The following CWF19L2 variants were observed in gnomAD, a reference collection of about 807,000 sequenced individuals.
The protein encoded by CWF19L2 is CWF19 like cell cycle control factor 2, also known as CWF19-like protein 2.
In CWF19L2, 98 loss-of-function variants were observed where a neutral mutation model predicts 111.7. The observed-to-expected ratio is 0.88, with a 90% CI of 0.75 to 1.04. The LOEUF is 1.04. Among genes scored for constraint, CWF19L2 ranks in the 50% least tolerant of loss-of-function variants. CWF19L2 has a pLI of 0.00. For missense variants in CWF19L2, 1,101 were observed against 1,051.4 expected (o/e 1.05, Z -0.65); for synonymous variants, 351 against 342.9 (o/e 1.02, Z -0.26).
At chr11:107,418,050 G>A in intron 9 of CWF19L2, 144 bp downstream of exon 9, 1 of 633,350 alleles carries the variant, frequency 1.6e-6, no homozygotes, top group Non-Finnish European at 2.9e-6. Context: ...ATGGTGCCAG[G>A]CCTGAGAATT....
chr11:107,450,405 T>C (rs986459937), intron 3 of CWF19L2, among the ~76,000 whole-genome samples: 1 of 151,972 alleles, frequency 6.6e-6, no homozygotes, highest in Non-Finnish European at 1.5e-5. Flanking sequence ...CATATATATA[T>C]ATCCTGGACG....
At chr11:107,333,088 T>TAAAA (rs11212169) in intron 16 of CWF19L2, among the ~76,000 whole-genome samples, 1 of 146,374 alleles carries the variant, frequency 6.8e-6, no homozygotes. Flanking sequence ...AGACTCTGTC[T>TAAAA]AAAAAAAAAA....
At chr11:107,434,498 C>T (rs2135414639) in intron 6 of CWF19L2, among the ~76,000 whole-genome samples, 1 of 152,080 alleles carries the variant, frequency 6.6e-6, no homozygotes, top group East Asian at 1.9e-4. Flanking sequence ...ATCGCCCCAG[C>T]TCCATAACCA....
chr11:107,430,840 A>C (rs1861456067), intron 7 of CWF19L2, among the ~76,000 whole-genome samples: 1 of 151,996 alleles, frequency 6.6e-6, no homozygotes, highest in Non-Finnish European at 1.5e-5. Context: ...ATATACTGAA[A>C]ATTTGCTAAG....
intron 12 of CWF19L2, among the ~76,000 whole-genome samples, chr11:107,385,918 G>C (rs1860758669): frequency 6.6e-6 from 1 of 152,126 alleles, no homozygotes. Flanking sequence ...CTTAATAATA[G>C]CCTGAAACTG....
intron 12 of CWF19L2, among the ~76,000 whole-genome samples, chr11:107,383,832 G>A (rs1270788180): frequency 6.6e-6 from 1 of 152,168 alleles, no homozygotes; most frequent in Non-Finnish European, 1.5e-5. Flanking sequence ...CTGAGCCCAG[G>A]TAGTATCAGA....
At chr11:107,388,139 A>G (rs520203) in intron 12 of CWF19L2, among the ~76,000 whole-genome samples, 78,624 of 151,934 alleles carry the variant, frequency 0.52, 20,924 homozygotes, top group African/African-American at 0.65. Context: ...ACTTTCCCTC[A>G]GCAACACTCT....
At chr11:107,428,222 A>G (rs1861407890) in intron 8 of CWF19L2, among the ~76,000 whole-genome samples, 4 of 152,112 alleles carry the variant, frequency 2.6e-5, no homozygotes, top group Admixed American at 1.3e-4. Context: ...AATGCAACAT[A>G]TATTTTATAT....
At chr11:107,352,932 A>G (rs1323212468) in intron 13 of CWF19L2, among the ~76,000 whole-genome samples, 1 of 152,078 alleles carries the variant, frequency 6.6e-6, no homozygotes, top group Non-Finnish European at 1.5e-5. Flanking sequence ...TGCTCCACCA[A>G]TGCTAAGCTC....
At chr11:107,433,797 T>C (rs1382229479) in intron 6 of CWF19L2, 48 bp from the exon 7 acceptor site, 7 of 777,308 alleles carry the variant, frequency 9.0e-6, no homozygotes, top group Non-Finnish European at 9.6e-6. Flanking sequence ...GTGGTTATCA[T>C]ACAATTAATA....
chr11:107,410,170 T>C (rs1013974180), intron 10 of CWF19L2, among the ~76,000 whole-genome samples: 1 of 152,130 alleles, frequency 6.6e-6, no homozygotes, highest in African/African-American at 2.4e-5. Context: ...ATGCATGGGG[T>C]TTTCTTTTCT....
chr11:107,403,398 C>T (rs966798349), intron 10 of CWF19L2: 6 of 752,450 alleles, frequency 8.0e-6, no homozygotes, highest in African/African-American at 3.4e-5. Context: ...CATGGCAACA[C>T]TTATTCTTTT....
At chr11:107,337,367 T>TTTTGTGTGTGTGTGTGTG (rs1859941392) in intron 14 of CWF19L2, among the ~76,000 whole-genome samples, 1 of 148,120 alleles carries the variant, frequency 6.8e-6, no homozygotes, top group African/African-American at 2.5e-5. Flanking sequence ...GGTGTGTGTT[T>TTTTGTGTGTGTGTGTGTG]TGTGTGTGTG....
intron 12 of CWF19L2, among the ~76,000 whole-genome samples, chr11:107,357,280 A>G (rs1466305092): frequency 6.6e-6 from 1 of 152,254 alleles, no homozygotes; most frequent in Non-Finnish European, 1.5e-5. Context: ...ATAAAGAGCT[A>G]GAAGAAAACT....
chr11:107,446,593 TTAA>T (rs1275812586), intron 3 of CWF19L2, among the ~76,000 whole-genome samples: 3 of 152,172 alleles, frequency 2.0e-5, no homozygotes, highest in Non-Finnish European at 4.4e-5. Flanking sequence ...AATCATATTA[TTAA>T]TATTATGTAT....
intron 12 of CWF19L2, among the ~76,000 whole-genome samples, chr11:107,389,320 T>C (rs1269636547): frequency 6.6e-6 from 1 of 152,198 alleles, no homozygotes; most frequent in African/African-American, 2.4e-5. Flanking sequence ...TCACAACTAC[T>C]CAATTCAGCC....
chr11:107,418,443 T>C (rs554876752), intron 8 of CWF19L2, among the ~76,000 whole-genome samples, 156 bp from the exon 9 acceptor site: 1 of 152,304 alleles, frequency 6.6e-6, no homozygotes, highest in African/African-American at 2.4e-5. Context: ...TCAATATTTT[T>C]CCACAAATTG....
chr11:107,444,111 T>C (rs1023802439), intron 3 of CWF19L2, among the ~76,000 whole-genome samples: 1 of 151,952 alleles, frequency 6.6e-6, no homozygotes, highest in African/African-American at 2.4e-5. Flanking sequence ...TTTTTTTTTT[T>C]TAAGGAGGGA....
intron 6 of CWF19L2, 143 bp from the exon 7 acceptor site, chr11:107,433,892 A>T (rs1356023385): frequency 3.3e-5 from 2 of 61,306 alleles, no homozygotes; most frequent in Non-Finnish European, 8.0e-5. Context: ...ATATATATAT[A>T]TATATATATA....
Sources: gnomAD v4.1 joint callset for allele counts (sites outside exome capture counted in the v4.1 genomes callset) on GRCh38, gnomAD v4.1.1 for gene constraint, MANE v1.5 for transcripts, NCBI Gene and HGNC (gene_info 2026-07-23, HGNC 2026-07-21) for gene names.